The following ATG7 variants were observed in gnomAD, a reference collection of about 807,000 sequenced individuals.
ATG7 encodes the protein autophagy related 7.
In ATG7, 70 loss-of-function variants were observed where a neutral mutation model predicts 82.4. The observed-to-expected ratio is 0.85, with a 90% CI of 0.70 to 1.04. The LOEUF is 1.04. Ranked by LOEUF, ATG7 falls within the 50% of genes least tolerant of loss-of-function variation. The pLI, the probability that ATG7 is intolerant of heterozygous loss-of-function variation, is 0.00. For missense variants in ATG7, 792 were observed against 864.3 expected, an observed-to-expected ratio of 0.92 and a Z score of 1.05; for synonymous variants, 287 against 313.0, an observed-to-expected ratio of 0.92 and a Z score of 0.88.
chr3:11,375,118 G>A (rs2077316168), intron 18 of ATG7, among the ~76,000 whole-genome samples: 1 of 151,898 alleles, frequency 6.6e-6, no homozygotes, highest in Admixed American at 6.6e-5. Context: ...GAGAGGCTGA[G>A]GATCGCTTGA....
At position 11,298,040 on chromosome 3, in the gene ATG7, G is replaced by A. The variant is rs376547183; in HGVS notation, c.-10-646G>A. Among the ~76,000 whole-genome samples, 9 of 152,232 alleles carry A rather than the reference G, an allele frequency of 5.9e-5. No individual in the cohort carries two copies. In the East Asian group the frequency reaches 1.4e-3, roughly 23 times the overall value. The stretch of plus-strand genomic sequence containing the variant: ...CAAAAATACAAAAAATTAGCTGGGC[G>A]TGGTGGCATGCGCCTGTAGTCCCAG... On this transcript the variant is annotated intron_variant, in intron 3 of 20. Transcript: ENST00000693202.
At chr3:11,326,709 C>A (rs959032149) in intron 9 of ATG7, among the ~76,000 whole-genome samples, 4 of 152,082 alleles carry the variant, frequency 2.6e-5, no homozygotes, top group African/African-American at 9.7e-5. Flanking sequence ...CAGAGGGGAG[C>A]AAAATAAAAA....
intron 4 of ATG7, 166 bp from the exon 5 acceptor site, chr3:11,299,196 G>GC (rs1946407465): frequency 1.6e-6 from 1 of 638,586 alleles, no homozygotes; most frequent in African/African-American, 1.8e-5. Flanking sequence ...GTCACATTCT[G>GC]CCATTTATCT....
intron 18 of ATG7, among the ~76,000 whole-genome samples, chr3:11,372,343 T>G (rs992948614): frequency 1.6e-4 from 24 of 151,256 alleles, no homozygotes; most frequent in Non-Finnish European, 1.6e-4. Context: ...GGAACACTAA[T>G]GTTGGTGATT....
chr3:11,283,459 A>G (rs1161901062), intron 3 of ATG7, among the ~76,000 whole-genome samples: 7 of 152,134 alleles, frequency 4.6e-5, no homozygotes, highest in Admixed American at 4.6e-4. Context: ...ACCTGTCCTT[A>G]TCTTACACCT....
chr3:11,298,596 G>T, intron 3 of ATG7, 90 bp from the exon 4 acceptor site: 2 of 1,317,308 alleles, frequency 1.5e-6, no homozygotes, highest in Admixed American at 2.2e-5. Flanking sequence ...CTTTTTGTTT[G>T]TTTGAATTAA....
Position 11,541,175 on chromosome 3 carries a change from C to T in ATG7, c.2080-13636C>T, listed in dbSNP as rs545098320. On this transcript the variant is annotated intron_variant, in intron 20 of 20. Coordinates refer to ENST00000693202, the MANE Select transcript of ATG7 (RefSeq NM_001349232.2). The stretch of plus-strand genomic sequence containing the variant: ...TCGGCCTCCCAAAGTGCTGGGATTA[C>T]AGGCGTGAGCCATCGCGCCCGGCTG... Among the ~76,000 whole-genome samples the T allele has an allele frequency of 1.2e-4, 19 of 152,332 alleles. No individual in the cohort carries two copies. The East Asian group carries it at 3.5e-3, about 28-fold the overall frequency.
chr3:11,524,203 CTAGCTGTGCTG>C (rs557570915), intron 20 of ATG7, among the ~76,000 whole-genome samples: 52 of 151,926 alleles, frequency 3.4e-4, no homozygotes, highest in African/African-American at 1.0e-3. Context: ...CTCCCCTTCA[CTAGCTGTGCTG>C]TGGCTTAGTT....
intron 20 of ATG7, among the ~76,000 whole-genome samples, chr3:11,481,368 T>C (rs143236771): frequency 7.2e-5 from 11 of 152,362 alleles, no homozygotes; most frequent in African/African-American, 2.6e-4. Context: ...TCTTACACTT[T>C]TTTAAAGTCA....
intron 19 of ATG7, among the ~76,000 whole-genome samples, chr3:11,396,426 G>A (rs1036292971): frequency 7.9e-5 from 12 of 152,024 alleles, no homozygotes; most frequent in Admixed American, 5.9e-4. Flanking sequence ...GCAACAGAGC[G>A]AGACTGTCCC....
At chr3:11,566,799 C>T in the ATG7 span, among the ~76,000 whole-genome samples, 1 of 152,168 alleles carries the variant, frequency 6.6e-6, no homozygotes, top group Non-Finnish European at 1.5e-5. Flanking sequence ...TCTACGCACC[C>T]GCCCCTCCTC....
intron 20 of ATG7, among the ~76,000 whole-genome samples, chr3:11,553,536 T>C (rs2072042034): frequency 6.6e-6 from 1 of 152,228 alleles, no homozygotes; most frequent in Non-Finnish European, 1.5e-5. Context: ...TGCCCTGCAC[T>C]GCTCAGTCCC....
rs759564092 is a variant in ATG7 at position 11,308,971 on chromosome 3, C to T, written c.334-13C>T. 2 of 1,611,214 alleles carry T rather than the reference C, an allele frequency of 1.2e-6. No individual in the cohort carries two copies. Among genetic ancestry groups the T allele is most frequent in the South Asian group, 1.1e-5 (1 of 91,024 alleles). On this transcript the variant is annotated splice_polypyrimidine_tract_variant and intron_variant, in intron 6 of 20. Transcript: ENST00000693202. Reference sequence around the variant, plus strand: ...CCTGGTAACCTGCCTTGATGCTTTTCTTCTTCTTGCAGATATGGGAATCCA... The same window carrying T: ...CCTGGTAACCTGCCTTGATGCTTTTTTTCTTCTTGCAGATATGGGAATCCA...
At chr3:11,436,868 T>C (rs1203381146) in intron 20 of ATG7, among the ~76,000 whole-genome samples, 1 of 152,184 alleles carries the variant, frequency 6.6e-6, no homozygotes, top group East Asian at 1.9e-4. Flanking sequence ...AAAGTCCATA[T>C]AGTCAAGAAA....
At chr3:11,568,628 C>T in the ATG7 span, 1 of 1,569,582 alleles carries the variant, frequency 6.4e-7, no homozygotes, top group Non-Finnish European at 8.7e-7. The surrounding 1 kb of genome is among the most constrained non-coding windows in gnomAD (Gnocchi z 5.9). Context: ...TTTCCTGGTT[C>T]CCGGAGCTTC....
At chr3:11,407,848 G>A (rs769669316) in intron 19 of ATG7, among the ~76,000 whole-genome samples, 1 of 152,180 alleles carries the variant, frequency 6.6e-6, no homozygotes, top group Non-Finnish European at 1.5e-5. Flanking sequence ...CTCAGCCCTT[G>A]AAACCATTTT....
At chr3:11,360,295 C>G (rs1026652279) in intron 15 of ATG7, among the ~76,000 whole-genome samples, 1 of 152,212 alleles carries the variant, frequency 6.6e-6, no homozygotes, top group Admixed American at 6.5e-5. Flanking sequence ...GTCTGCCCGC[C>G]TTGGCCTCCC....
At chr3:11,310,034 C>T (rs1031123309) in intron 7 of ATG7, among the ~76,000 whole-genome samples, 4 of 151,806 alleles carry the variant, frequency 2.6e-5, no homozygotes, top group Admixed American at 6.6e-5. Flanking sequence ...GGTGTGGTGG[C>T]GCCTGCCTGT....
At chr3:11,382,700 A>G (rs1463949305) in intron 19 of ATG7, among the ~76,000 whole-genome samples, 2 of 152,214 alleles carry the variant, frequency 1.3e-5, no homozygotes, top group Non-Finnish European at 2.9e-5. Flanking sequence ...TAAAATCAAT[A>G]TTCCTGAAAG....
Sources: allele counts gnomAD v4.1 joint callset (sites outside exome capture counted in the v4.1 genomes callset), GRCh38; gene constraint gnomAD v4.1.1; non-coding constraint Gnocchi (gnomAD v3.1); transcripts MANE v1.5; gene names NCBI Gene and HGNC (gene_info 2026-07-23, HGNC 2026-07-21).